PI4KA: variants seen among roughly 807,000 people sequenced by gnomAD.
PI4KA encodes the protein phosphatidylinositol 4-kinase alpha.
In PI4KA, 122 loss-of-function variants were observed where a neutral mutation model predicts 271.4. The observed-to-expected ratio is 0.45, with a 90% confidence interval of 0.39 to 0.52. PI4KA has a LOEUF of 0.52. Among genes scored for constraint, PI4KA ranks in the 20% least tolerant of loss-of-function variants. The pLI is 0.00. For synonymous variants in PI4KA, 1,041 were observed against 1,078.8 expected (o/e 0.96, Z 0.69); for missense variants, 1,969 against 2,769.1 (o/e 0.71, Z 6.48).
chr22:20,730,680 C>G lies in PI4KA; in HGVS notation c.4289-669G>C, dbSNP rs545012263. On this transcript the variant is annotated intron_variant, in intron 36 of 54. Coordinates refer to ENST00000255882, the MANE Select transcript of PI4KA (RefSeq NM_058004.4). ...CTGCCTCCCGGGTTTAAGCAATTCT[C>G]CTGTCTCAGCCTCCCGAATAGCTGG... Among the ~76,000 whole-genome samples, 3 of 152,214 alleles carry G rather than the reference C, an allele frequency of 2.0e-5. No individual in the cohort carries two copies. The South Asian group carries it at 6.2e-4, about 32-fold the overall frequency.
At chr22:20,739,890 C>T (rs1395339043) in intron 32 of PI4KA, among the ~76,000 whole-genome samples, 1 of 151,896 alleles carries the variant, frequency 6.6e-6, no homozygotes. Context: ...TGGTGAAACC[C>T]TGTCTGTACA....
chr22:20,768,188 G>A (rs1463433841), intron 19 of PI4KA, among the ~76,000 whole-genome samples: 1 of 151,814 alleles, frequency 6.6e-6, no homozygotes, highest in Admixed American at 6.6e-5. Context: ...GCCAATGCCC[G>A]GCTTAATTAT....
At position 20,815,857 on chromosome 22, in the gene PI4KA, C is replaced by T. The variant is rs1601557943; in HGVS notation, c.857-2351G>A. Reference sequence around the variant, plus strand: ...CTGTGTGGCTGAACCCCACAGAGGACACAGATGATGGCAAACGACAGGGGC... The same window carrying T: ...CTGTGTGGCTGAACCCCACAGAGGATACAGATGATGGCAAACGACAGGGGC... On this transcript the variant is annotated intron_variant, in intron 7 of 54. Coordinates refer to ENST00000255882, the MANE Select transcript of PI4KA (RefSeq NM_058004.4). 6.6e-5 allele frequency among the ~76,000 whole-genome samples: 10 copies of T among 152,214 alleles called. No individual in the cohort carries two copies. In the South Asian group the frequency reaches 2.1e-3, roughly 32 times the overall value.
Position 20,729,969 on chromosome 22 carries a change from G to A in PI4KA, c.4331C>T (p.Ser1444Phe). Residue 1444 changes from serine (S) to phenylalanine (F), a missense_variant, in exon 37 of 55, where the codon TCT becomes TTT. Physicochemically the swap from Ser to Phe is radical, Grantham distance 155 (BLOSUM62 -2). This residue lies in a region of PI4KA where 23 missense variants were observed against 23.2 expected (regional missense o/e 0.99). Transcript: ENST00000255882. ...CCAGCCTTGGGTGGCTTGTTGCCGAGAGCCGACAGTTATGTCCAGGTTGCT... is the reference window on the plus strand; with the variant it reads ...CCAGCCTTGGGTGGCTTGTTGCCGAAAGCCGACAGTTATGTCCAGGTTGCT... ...TRSNLDITVG[S>F]RQQATQGWIN... 1 of 1,614,184 alleles carries A rather than the reference G, an allele frequency of 6.2e-7. No homozygotes were observed. The highest frequency in any genetic ancestry group is 8.5e-7 in the Non-Finnish European group (1 of 1,180,036).
intron 7 of PI4KA, among the ~76,000 whole-genome samples, chr22:20,815,134 G>A (rs1031770429): frequency 3.9e-5 from 6 of 152,072 alleles, no homozygotes; most frequent in African/African-American, 1.2e-4. Flanking sequence ...TGTAATCCCA[G>A]TACTTTGGGA....
Position 20,734,432 on chromosome 22 carries a change from C to T in PI4KA, c.3863G>A (p.Cys1288Tyr). ...GTAGTGGGGGGTCACTTCGGGGGGA[C>T]AGGGTTTGGGTTGACTTGCTTCCGA... ...AASEASQPKP[C>Y]PPEVTPHYIW... Residue 1288 changes from cysteine to tyrosine, a missense_variant, in exon 33 of 55, where the codon TGT becomes TAT. By Grantham distance (194) the Cys-to-Tyr change is radical. Transcript: ENST00000255882. 6.2e-7 allele frequency: 1 copy of T among 1,608,488 alleles called. No homozygotes were observed. The highest frequency in any genetic ancestry group is 8.5e-7 in the Non-Finnish European group (1 of 1,176,006).
At chr22:20,710,895 G>A (rs1316741099) in intron 51 of PI4KA, 37 bp from the exon 52 acceptor site, 1 of 1,608,686 alleles carries the variant, frequency 6.2e-7, no homozygotes, top group South Asian at 1.1e-5. Flanking sequence ...GACTGGGTAG[G>A]AGCCAGGGCG....
At chr22:20,817,314 C>A (rs1921937907) in intron 7 of PI4KA, among the ~76,000 whole-genome samples, 1 of 152,124 alleles carries the variant, frequency 6.6e-6, no homozygotes, top group African/African-American at 2.4e-5. Context: ...GTCCCTTAAT[C>A]TGGGTCTTAC....
Position 20,819,745 on chromosome 22 carries a change from G to C in PI4KA, c.685C>G (p.Arg229Gly), listed in dbSNP as rs751633032. 2 of 1,614,040 alleles carry C rather than the reference G, an allele frequency of 1.2e-6. No individual in the cohort carries two copies. The highest frequency in any genetic ancestry group is 1.7e-6 in the Non-Finnish European group (2 of 1,179,986). ...VLEELEGVRR[R>G]SFNDFRSILP... Reference sequence around the variant, plus strand: ...ATGGAGCGGAAGTCATTAAAGGAACGCCTTCGAACACCTTCAAGCTCTTCC... The same window carrying C: ...ATGGAGCGGAAGTCATTAAAGGAACCCCTTCGAACACCTTCAAGCTCTTCC... Residue 229 changes from arginine (R) to glycine (G), a missense_variant, in exon 6 of 55, where the codon CGT (arginine) becomes GGT (glycine). Transcript: ENST00000255882.
intron 4 of PI4KA, 63 bp from the exon 5 acceptor site, chr22:20,820,674 C>T: frequency 8.5e-7 from 1 of 1,170,784 alleles, no homozygotes; most frequent in Non-Finnish European, 1.3e-6. Flanking sequence ...TATCACGAAA[C>T]TAAGTCAGAA....
chr22:20,751,514 G>T, intron 26 of PI4KA, 138 bp from the exon 27 acceptor site: 1 of 920,850 alleles, frequency 1.1e-6, no homozygotes, highest in Non-Finnish European at 1.7e-6. Flanking sequence ...CAAAACACCA[G>T]GTGGATTTGG....
chr22:20,775,551 C>G (rs894725951), intron 19 of PI4KA, among the ~76,000 whole-genome samples: 2 of 152,204 alleles, frequency 1.3e-5, no homozygotes, highest in South Asian at 4.1e-4. Context: ...GCCTCAGATA[C>G]GTTTTCCTGA....
chr22:20,766,188 G>A (rs748950146), intron 19 of PI4KA, among the ~76,000 whole-genome samples: 7 of 152,158 alleles, frequency 4.6e-5, no homozygotes, highest in Non-Finnish European at 7.4e-5. Context: ...GGGGAGGCAG[G>A]GAGAGCACAA....
chr22:20,837,214 C>A (rs1252747378), intron 2 of PI4KA, among the ~76,000 whole-genome samples: 1 of 152,150 alleles, frequency 6.6e-6, no homozygotes, highest in Non-Finnish European at 1.5e-5. Context: ...CTAGCAAGAC[C>A]CTCATTTCTA....
Position 20,824,196 on chromosome 22 carries a change from C to G in PI4KA, c.456+130G>C, listed in dbSNP as rs165733. On this transcript the variant is annotated intron_variant, in intron 4 of 54. Transcript: ENST00000255882. ...CCTAAGCATGTCTTAGGTCTGCTGT[C>G]AACAGGATGAAATAGATAAATATCA... The G allele has an allele frequency of 0.46, 324,235 of 711,384 alleles. 75,780 individuals are homozygous for G. Among genetic ancestry groups the G allele is most frequent in the African/African-American group, 0.59 (33,472 of 57,096 alleles). The allele number at this position is 711,384 out of a possible 1,614,324, so 44.1% of individuals were successfully genotyped here. A position where few individuals can be genotyped will look rare whatever the true frequency, so the allele number is the denominator to read the frequency against.
intron 14 of PI4KA, among the ~76,000 whole-genome samples, chr22:20,800,864 A>G (rs1935268813): frequency 7.3e-6 from 1 of 136,798 alleles, no homozygotes; most frequent in Non-Finnish European, 1.6e-5. Flanking sequence ...ACAAAGCAAG[A>G]CTCTGTCTCA....
intron 1 of PI4KA, among the ~76,000 whole-genome samples, chr22:20,844,874 C>T (rs776936803): frequency 2.6e-5 from 4 of 152,038 alleles, no homozygotes; most frequent in Non-Finnish European, 5.9e-5. Context: ...AAGCATTAAC[C>T]CTCTAGTCTT....
intron 19 of PI4KA, chr22:20,779,884 G>A: frequency 1.2e-6 from 2 of 1,614,254 alleles, no homozygotes; most frequent in Non-Finnish European, 1.7e-6. Context: ...AATGCCAGCA[G>A]CAAGTATGAA....
chr22:20,804,416 G>C lies in PI4KA; in HGVS notation c.1361-16C>G. ...TTTTCTGCACCTTAATTCAAAACCAGAAGAGGAGATGAGTGATCAGCACAG... is the reference window on the plus strand; with the variant it reads ...TTTTCTGCACCTTAATTCAAAACCACAAGAGGAGATGAGTGATCAGCACAG... On this transcript the variant is annotated splice_polypyrimidine_tract_variant and intron_variant, in intron 11 of 54. Coordinates refer to ENST00000255882, the MANE Select transcript of PI4KA (RefSeq NM_058004.4). 1 of 1,574,544 alleles carries C rather than the reference G, an allele frequency of 6.4e-7. No individual in the cohort carries two copies. Among genetic ancestry groups the C allele is most frequent in the Admixed American group, 1.7e-5 (1 of 59,970 alleles).
Sources: allele counts gnomAD v4.1 joint callset (sites outside exome capture counted in the v4.1 genomes callset), GRCh38; gene constraint gnomAD v4.1.1; regional missense constraint gnomAD v4.1.1; transcripts MANE v1.5; gene names NCBI Gene and HGNC (gene_info 2026-07-23, HGNC 2026-07-21).